Variants in ST7 observed in about 807,000 individuals in gnomAD.
ST7 encodes the protein suppressor of tumorigenicity 7 protein.
In ST7, 28 loss-of-function variants were observed where a neutral mutation model predicts 78.7. The observed-to-expected ratio is 0.36, with a 90% CI of 0.26 to 0.49. ST7 has a LOEUF of 0.49. Among genes scored for constraint, ST7 ranks in the 20% least tolerant of loss-of-function variants. The probability of loss-of-function intolerance (pLI) is 0.99; values close to 1 mark genes in which losing one functional copy is unlikely to be tolerated. For missense variants in ST7, 418 were observed against 696.0 expected (o/e 0.60, Z 4.49); for synonymous variants, 247 against 249.6 (o/e 0.99, Z 0.10).
chr7:117,203,553 TC>T (rs1419024667), intron 12 of ST7, among the ~76,000 whole-genome samples: 1 of 152,192 alleles, frequency 6.6e-6, no homozygotes, highest in African/African-American at 2.4e-5. Flanking sequence ...TCCCCCCTCC[TC>T]ATTTTTTCAG....
At chr7:117,114,665 G>C (rs1802711796) in intron 2 of ST7, among the ~76,000 whole-genome samples, 1 of 152,174 alleles carries the variant, frequency 6.6e-6, no homozygotes, top group Non-Finnish European at 1.5e-5. Context: ...AGCTTTTGCT[G>C]TGTGGAAATC....
chr7:117,152,305 G>T (rs1806358218), intron 9 of ST7, among the ~76,000 whole-genome samples: 1 of 147,574 alleles, frequency 6.8e-6, no homozygotes, highest in African/African-American at 2.5e-5. Context: ...TTAAACTTGG[G>T]GCAATGAGAA....
intron 1 of ST7, among the ~76,000 whole-genome samples, chr7:117,054,530 C>T (rs1009070463): frequency 6.6e-6 from 1 of 152,216 alleles, no homozygotes; most frequent in Non-Finnish European, 1.5e-5. Flanking sequence ...TCTTCTTCTT[C>T]AAAGGACACC....
At chr7:117,040,742 G>A (rs1797173466) in intron 1 of ST7, among the ~76,000 whole-genome samples, 1 of 152,198 alleles carries the variant, frequency 6.6e-6, no homozygotes, top group South Asian at 2.1e-4. Context: ...AACATTTACT[G>A]GGAGGCCAGG....
At chr7:117,026,904 A>G (rs1168549101) in intron 1 of ST7, among the ~76,000 whole-genome samples, 2 of 152,210 alleles carry the variant, frequency 1.3e-5, no homozygotes, top group African/African-American at 2.4e-5. Context: ...AAGGGACCCA[A>G]TAGGAGGTTT....
At chr7:117,024,809 C>G (rs1384530454) in intron 1 of ST7, among the ~76,000 whole-genome samples, 2 of 152,126 alleles carry the variant, frequency 1.3e-5, no homozygotes, top group African/African-American at 4.8e-5. Context: ...CCCTGGATAG[C>G]TACATCACCT....
At chr7:117,017,036 A>G (rs374783745) in intron 1 of ST7, among the ~76,000 whole-genome samples, 4 of 152,300 alleles carry the variant, frequency 2.6e-5, no homozygotes, top group Middle Eastern at 3.4e-3. Context: ...AAACACTTCT[A>G]TTAAGGCCTT....
intron 1 of ST7, among the ~76,000 whole-genome samples, chr7:117,097,472 C>A (rs924109475): frequency 6.6e-6 from 1 of 151,658 alleles, no homozygotes; most frequent in East Asian, 1.9e-4. Flanking sequence ...ATTACAGGCA[C>A]CCACCATGCC....
At chr7:117,123,647 C>CA (rs1324836740) in intron 3 of ST7, among the ~76,000 whole-genome samples, 2 of 152,130 alleles carry the variant, frequency 1.3e-5, no homozygotes, top group African/African-American at 4.8e-5. Context: ...CCATGTTTCT[C>CA]ACTACCATTT....
intron 1 of ST7, among the ~76,000 whole-genome samples, chr7:116,984,912 A>T (rs1259980218): frequency 6.6e-6 from 1 of 152,196 alleles, no homozygotes; most frequent in Non-Finnish European, 1.5e-5. Context: ...TTGTTAAAAA[A>T]ATTGGGTCCT....
intron 1 of ST7, chr7:116,966,187 C>A: frequency 3.0e-6 from 1 of 335,164 alleles, no homozygotes; most frequent in Non-Finnish European, 6.2e-6. Context: ...GTGGATTACA[C>A]TTATTTGTTG....
Position 116,979,958 on chromosome 7 carries a change from C to CTTTTTTTTTTTTTTTTT in ST7, c.151+26268_151+26284dup, listed in dbSNP as rs745530832. On this transcript the variant is annotated intron_variant, in intron 1 of 15. Transcript: ENST00000323984. ...CCTTTTTTCTTTTTCTTTTGTTTCT[C>CTTTTTTTTTTTTTTTTT]TTTTTTTTTTTTTTTTTGGAGACAG... 2.6e-4 allele frequency among the ~76,000 whole-genome samples: 22 copies of CTTTTTTTTTTTTTTTTT among 86,246 alleles called. 1 individual carries two copies. Among genetic ancestry groups the CTTTTTTTTTTTTTTTTT allele is most frequent in the Admixed American group, 3.9e-4 (2 of 5,112 alleles). The allele number at this position is 86,246 out of a possible 152,430, so 56.6% of individuals were successfully genotyped here. A position where few individuals can be genotyped will look rare whatever the true frequency, so the allele number is the denominator to read the frequency against.
intron 9 of ST7, among the ~76,000 whole-genome samples, chr7:117,141,722 G>C (rs568973608): frequency 4.6e-5 from 7 of 151,940 alleles, no homozygotes. Flanking sequence ...CCAGGCTGGA[G>C]TGCAGTGGCA....
intron 9 of ST7, among the ~76,000 whole-genome samples, chr7:117,141,822 A>G (rs1354575718): frequency 6.6e-6 from 1 of 152,012 alleles, no homozygotes; most frequent in Non-Finnish European, 1.5e-5. Context: ...GGCGCACACC[A>G]TCATGCCTGG....
intron 9 of ST7, among the ~76,000 whole-genome samples, chr7:117,157,316 T>G (rs1455957483): frequency 2.6e-5 from 4 of 152,170 alleles, no homozygotes; most frequent in Admixed American, 1.3e-4. Flanking sequence ...AAAGAAGCAG[T>G]GAACTCAGGC....
At chr7:117,043,769 C>A (rs1797350336) in intron 1 of ST7, among the ~76,000 whole-genome samples, 1 of 152,208 alleles carries the variant, frequency 6.6e-6, no homozygotes, top group African/African-American at 2.4e-5. Flanking sequence ...TTAGTGCTAT[C>A]AATTTTTAAG....
chr7:117,033,433 T>C (rs1796708685), intron 1 of ST7, among the ~76,000 whole-genome samples: 1 of 152,026 alleles, frequency 6.6e-6, no homozygotes, highest in South Asian at 2.1e-4. Flanking sequence ...TTTTTTTTTT[T>C]TCTTTTTGGA....
intron 1 of ST7, among the ~76,000 whole-genome samples, chr7:116,984,259 T>G (rs1463130037): frequency 6.6e-6 from 1 of 152,202 alleles, no homozygotes; most frequent in Non-Finnish European, 1.5e-5. Flanking sequence ...AATCTGAGAC[T>G]TCTCAGCCTC....
intron 1 of ST7, among the ~76,000 whole-genome samples, chr7:116,963,944 T>C (rs964708355): frequency 2.0e-5 from 3 of 152,146 alleles, no homozygotes; most frequent in African/African-American, 7.2e-5. Context: ...TAAAAGACTG[T>C]GGTTAAGTAT....
Sources: allele counts gnomAD v4.1 joint callset (sites outside exome capture counted in the v4.1 genomes callset), GRCh38; gene constraint gnomAD v4.1.1; transcripts MANE v1.5; gene names NCBI Gene and HGNC (gene_info 2026-07-23, HGNC 2026-07-21).